SRRM4: variants seen among roughly 807,000 people sequenced by gnomAD.
SRRM4 encodes the protein serine/arginine repetitive matrix 4.
Under a neutral mutation model 68.9 loss-of-function variants are expected in SRRM4, and 33 were observed. The ratio of observed to expected loss-of-function variants is 0.48; its 90% CI spans 0.36 to 0.64. The LOEUF is 0.64. Ranked by LOEUF, SRRM4 falls within the 30% of genes least tolerant of loss-of-function variation. The pLI, the probability that SRRM4 is intolerant of heterozygous loss-of-function variation, is 0.00. For missense variants in SRRM4, 817 were observed against 827.1 expected, an observed-to-expected ratio of 0.99 and a Z score of 0.15; for synonymous variants, 318 against 318.8, an observed-to-expected ratio of 1.00 and a Z score of 0.03.
chr12:119,117,900 G>C (rs1475790195), intron 4 of SRRM4, among the ~76,000 whole-genome samples: 1 of 151,724 alleles, frequency 6.6e-6, no homozygotes, highest in African/African-American at 2.4e-5. Context: ...AGCAGAGTGA[G>C]ACTCTGTCTA....
Position 119,158,060 on chromosome 12 carries a change from C to G in SRRM4, c.*1262C>G, listed in dbSNP as rs909344720. ...ATTTTTGCCCTCACCCCAAGTCCCC[C>G]CTGGCTGGGGCTGGGCAGAGAGGGT... On this transcript the variant is annotated 3_prime_UTR_variant, in exon 13 of 13. Transcript: ENST00000267260. 2.0e-5 allele frequency: 3 copies of G among 152,790 alleles called. No homozygotes were observed. The highest frequency in any genetic ancestry group is 2.0e-4 in the Admixed American group (3 of 15,284). The allele number at this position is 152,790 out of a possible 1,614,324, so 9.5% of individuals were successfully genotyped here. A position where few individuals can be genotyped will look rare whatever the true frequency, so the allele number is the denominator to read the frequency against.
chr12:119,001,508 T>G (rs1211143729), intron 1 of SRRM4: 1 of 152,210 alleles, frequency 6.6e-6, no homozygotes, highest in Non-Finnish European at 1.5e-5. Flanking sequence ...TTTCTCTGTA[T>G]GAGTGGAAGA....
At chr12:119,105,040 A>G (rs1311072760) in intron 2 of SRRM4, among the ~76,000 whole-genome samples, 3 of 137,432 alleles carry the variant, frequency 2.2e-5, no homozygotes, top group Non-Finnish European at 3.0e-5. Context: ...TCATTGTTCA[A>G]TTCCCACCTA....
At chr12:119,151,760 G>A (rs1954441135) in intron 10 of SRRM4, among the ~76,000 whole-genome samples, 1 of 152,116 alleles carries the variant, frequency 6.6e-6, no homozygotes, top group African/African-American at 2.4e-5. Context: ...ACTCCATGAG[G>A]TCTCTCCTCC....
Position 119,040,970 on chromosome 12 carries a change from C to T in SRRM4, c.131+58957C>T, listed in dbSNP as rs1015611095. The stretch of plus-strand genomic sequence containing the variant: ...TGGGGTTTCACCATGCTGGCCAGGC[C>T]GGTCTTGAACTCCAAGTGATCCACT... On this transcript the variant is annotated intron_variant, in intron 1 of 12. Transcript: ENST00000267260. Among the ~76,000 whole-genome samples the T allele has an allele frequency of 6.6e-5, 10 of 151,798 alleles. No homozygotes were observed. In the South Asian group the frequency reaches 1.3e-3, roughly 19 times the overall value.
intron 1 of SRRM4, among the ~76,000 whole-genome samples, chr12:119,090,196 A>T (rs1291941523): frequency 6.6e-6 from 1 of 152,190 alleles, no homozygotes; most frequent in East Asian, 1.9e-4. Context: ...GTCTTCTGCA[A>T]GTGATGGTTA....
At position 119,083,838 on chromosome 12, in the gene SRRM4, T is replaced by A. The variant is rs527730998; in HGVS notation, c.132-18398T>A. Among the ~76,000 whole-genome samples the A allele has an allele frequency of 5.3e-5, 8 of 152,264 alleles. No individual in the cohort carries two copies. The South Asian group carries it at 1.7e-3, about 32-fold the overall frequency. ...TTGTGCTAGAGGAGATAACAGCAGC[T>A]GGGCATCTAAATACACAGAGAAGAT... On this transcript the variant is annotated intron_variant, in intron 1 of 12. Coordinates refer to ENST00000267260, the MANE Select transcript of SRRM4 (RefSeq NM_194286.4).
At chr12:119,022,164 TTAAAA>T (rs1359754697) in intron 1 of SRRM4, among the ~76,000 whole-genome samples, 1 of 151,856 alleles carries the variant, frequency 6.6e-6, no homozygotes, top group Non-Finnish European at 1.5e-5. Context: ...ATCCTGGAAC[TTAAAA>T]TAAAATTTAA....
intron 1 of SRRM4, among the ~76,000 whole-genome samples, chr12:119,075,093 T>C (rs1295233971): frequency 6.6e-6 from 1 of 152,212 alleles, no homozygotes; most frequent in Non-Finnish European, 1.5e-5. Flanking sequence ...TAAGGTCTGA[T>C]GGATCAGGTG....
At chr12:119,122,178 TC>T in intron 6 of SRRM4, 58 bp downstream of exon 6, 7 of 1,230,468 alleles carry the variant, frequency 5.7e-6, no homozygotes, top group Non-Finnish European at 7.2e-6. Context: ...GCATCTGGCT[TC>T]TTAAAAGCCA....
At chr12:119,029,630 TTTGAAG>T (rs1335021862) in intron 1 of SRRM4, among the ~76,000 whole-genome samples, 1 of 152,176 alleles carries the variant, frequency 6.6e-6, no homozygotes, top group Admixed American at 6.5e-5. Flanking sequence ...TAGACTTAGC[TTTGAAG>T]TTGAAGTATT....
chr12:119,012,921 C>A (rs1021671741), intron 1 of SRRM4, among the ~76,000 whole-genome samples: 3 of 152,026 alleles, frequency 2.0e-5, no homozygotes, highest in Admixed American at 2.0e-4. Context: ...TTAGGGAAGG[C>A]GCCAAAGAAA....
intron 1 of SRRM4, among the ~76,000 whole-genome samples, chr12:118,994,615 T>G (rs1047576587): frequency 2.6e-5 from 4 of 152,152 alleles, no homozygotes; most frequent in African/African-American, 4.8e-5. Context: ...GAAGGGGTGT[T>G]GTATAGTTAG....
intron 1 of SRRM4, among the ~76,000 whole-genome samples, chr12:119,071,549 A>G (rs1417232121): frequency 6.6e-6 from 1 of 152,146 alleles, no homozygotes; most frequent in Non-Finnish European, 1.5e-5. Flanking sequence ...ATAAGTATAC[A>G]ATACCAATAC....
At chr12:119,117,596 G>GCGCACACA (rs1555219575) in intron 4 of SRRM4, among the ~76,000 whole-genome samples, 1 of 150,296 alleles carries the variant, frequency 6.7e-6, no homozygotes, top group Non-Finnish European at 1.5e-5. Flanking sequence ...TGTTCACTGT[G>GCGCACACA]CACACACACA....
chr12:119,123,550 C>A (rs1342329461), intron 6 of SRRM4, among the ~76,000 whole-genome samples: 1 of 151,924 alleles, frequency 6.6e-6, no homozygotes, highest in Non-Finnish European at 1.5e-5. Flanking sequence ...AGCAAGGTGG[C>A]CACCCTCCCC....
At chr12:118,994,114 T>C (rs1428082376) in intron 1 of SRRM4, 1 of 152,070 alleles carries the variant, frequency 6.6e-6, no homozygotes, top group African/African-American at 2.4e-5. Flanking sequence ...CGCCTGTGAA[T>C]ACCTACTGCA....
chr12:119,152,452 T>C (rs1565920414), intron 10 of SRRM4, among the ~76,000 whole-genome samples: 1 of 152,054 alleles, frequency 6.6e-6, no homozygotes, highest in Non-Finnish European at 1.5e-5. Flanking sequence ...ACGTCTGAGC[T>C]CCCTGACAGA....
chr12:119,084,581 T>C (rs375270230), intron 1 of SRRM4, among the ~76,000 whole-genome samples: 25 of 152,326 alleles, frequency 1.6e-4, no homozygotes, highest in African/African-American at 5.8e-4. Context: ...GCTGGCTTGA[T>C]TGGGCTATTT....
Sources: gnomAD v4.1 joint callset for allele counts (sites outside exome capture counted in the v4.1 genomes callset) on GRCh38, gnomAD v4.1.1 for gene constraint, MANE v1.5 for transcripts, NCBI Gene and HGNC (gene_info 2026-07-23, HGNC 2026-07-21) for gene names.